The following H4C15 variants were observed in gnomAD, a reference collection of about 807,000 sequenced individuals.
H4C15 encodes histone H4.
At chr1:149,850,673 C>T, downstream of H4C15, 1 of 419,104 alleles carries the variant, frequency 2.4e-6, no homozygotes, top group Non-Finnish European at 4.0e-6. Context: ...GCTCTCCTTG[C>T]GGCTGCGCTT....
chr1:149,850,251 T>G (rs1553757586), downstream of H4C15: 1 of 1,144,494 alleles, frequency 8.7e-7, no homozygotes, highest in Non-Finnish European at 1.3e-6. Flanking sequence ...GCCAAAAACA[T>G]CAACTGGGAC....
At chr1:149,845,860 C>T in the H4C15 span, 1 of 152,180 alleles carries the variant, frequency 6.6e-6, no homozygotes, top group Non-Finnish European at 1.5e-5. Context: ...TAGGTTTTTA[C>T]ACTGAGCACT....
chr1:149,850,786 GACC>G, downstream of H4C15: 1 of 125,806 alleles, frequency 7.9e-6, no homozygotes, highest in Non-Finnish European at 1.4e-5. Context: ...CCAGACCCAA[GACC>G]GACACCGACC....
chr1:149,858,840 G>A (rs1489356965), downstream of H4C15, among the ~76,000 whole-genome samples: 2 of 30,096 alleles, frequency 6.6e-5, no homozygotes, highest in Non-Finnish European at 6.2e-5. Context: ...GATTTTATCC[G>A]AGGTGATCAG....
chr1:149,850,030 G>C (rs1250510274), downstream of H4C15, among the ~76,000 whole-genome samples: 4 of 152,204 alleles, frequency 2.6e-5, no homozygotes, highest in African/African-American at 9.7e-5. Context: ...TTCTCAACAG[G>C]AAACAATCTC....
downstream of H4C15, among the ~76,000 whole-genome samples, chr1:149,849,803 A>G (rs971050577): frequency 7.2e-5 from 11 of 152,192 alleles, no homozygotes; most frequent in Non-Finnish European, 1.6e-4. Flanking sequence ...TTTTCACATG[A>G]GTGGTGGTGT....
the H4C15 span, chr1:149,844,619 C>G: frequency 6.6e-6 from 1 of 152,066 alleles, no homozygotes; most frequent in Non-Finnish European, 1.5e-5. Flanking sequence ...TTAGAAAATA[C>G]ATGTTAAGCA....
chr1:149,848,733 G>A, the H4C15 span: 1 of 152,186 alleles, frequency 6.6e-6, no homozygotes, highest in African/African-American at 2.4e-5. Context: ...AACACATGTG[G>A]CAGCACTATA....
downstream of H4C15, chr1:149,850,173 C>T (rs1465984946): frequency 1.5e-6 from 1 of 649,150 alleles, no homozygotes; most frequent in African/African-American, 1.8e-5. Context: ...ATAGCAATGC[C>T]TATGTGAAAA....
At chr1:149,844,610 TAGAA>T in the H4C15 span, 1 of 152,242 alleles carries the variant, frequency 6.6e-6, no homozygotes, top group South Asian at 2.1e-4. Context: ...AATACAAACT[TAGAA>T]AATACATGTT....
At chr1:149,850,424 C>T (rs2092171933), downstream of H4C15, 1 of 1,184,238 alleles carries the variant, frequency 8.4e-7, no homozygotes, top group African/African-American at 1.5e-5. Flanking sequence ...TGGTGACCGC[C>T]TTGGTGCCCT....
downstream of H4C15, among the ~76,000 whole-genome samples, chr1:149,858,453 C>T (rs1201101163): frequency 1.3e-3 from 1 of 766 alleles, no homozygotes. Flanking sequence ...AAAATTAGCC[C>T]GGCATGGTGG....
downstream of H4C15, chr1:149,850,317 C>A (rs1553757608): frequency 7.6e-7 from 1 of 1,307,210 alleles, no homozygotes; most frequent in Admixed American, 1.9e-5. Context: ...TGAAAAGAGC[C>A]TTTGGAGACA....
At chr1:149,850,146 T>A (rs2101552191), downstream of H4C15, 1 of 574,478 alleles carries the variant, frequency 1.7e-6, no homozygotes, top group Non-Finnish European at 3.1e-6. Context: ...CCACTATCAA[T>A]CTATGTAAGC....
downstream of H4C15, chr1:149,850,406 G>A: frequency 1.8e-6 from 2 of 1,093,524 alleles, no homozygotes; most frequent in Non-Finnish European, 2.7e-6. Flanking sequence ...ACTTGGAGCT[G>A]GCGTACTTGG....
At chr1:149,850,549 C>T (rs587629220), downstream of H4C15, 40 of 721,558 alleles carry the variant, frequency 5.5e-5, no homozygotes, top group East Asian at 9.1e-4. Context: ...ACGCCTCTCC[C>T]GCGATGCGCT....
chr1:149,850,014 C>G, downstream of H4C15, among the ~76,000 whole-genome samples: 1 of 152,338 alleles, frequency 6.6e-6, no homozygotes, highest in Non-Finnish European at 1.5e-5. Context: ...AAAATTAACA[C>G]TGCGTTTCTC....
At chr1:149,850,053 T>A, downstream of H4C15, 1 of 395,394 alleles carries the variant, frequency 2.5e-6, no homozygotes, top group East Asian at 6.0e-5. Flanking sequence ...GGGCACATAT[T>A]CACGGGTACG....
the H4C15 span, chr1:149,844,630 T>C: frequency 2.0e-5 from 3 of 152,184 alleles, no homozygotes; most frequent in Admixed American, 1.3e-4. Context: ...ATGTTAAGCA[T>C]ACTGCGGCGT....
Sources: allele counts gnomAD v4.1 joint callset (sites outside exome capture counted in the v4.1 genomes callset), GRCh38; gene constraint gnomAD v4.1.1; transcripts MANE v1.5; gene names NCBI Gene and HGNC (gene_info 2026-07-23, HGNC 2026-07-21).